NKAIN3: variants seen among roughly 807,000 people sequenced by gnomAD.
The protein encoded by NKAIN3 is sodium/potassium-transporting ATPase subunit beta-1-interacting protein 3.
Under a neutral mutation model 30.2 loss-of-function variants are expected in NKAIN3, and 25 were observed. The ratio of observed to expected loss-of-function variants is 0.83; its 90% CI spans 0.60 to 1.16. The LOEUF (loss-of-function observed/expected upper bound fraction) is 1.16, where lower values mean the gene tolerates loss of function less well. NKAIN3 is among the 50% of genes most tolerant of loss of function. NKAIN3 has a pLI of 0.00. For missense variants in NKAIN3, 225 were observed against 254.1 expected (o/e 0.89, Z 0.78); for synonymous variants, 91 against 89.6 (o/e 1.02, Z -0.09).
chr8:62,767,722 G>T (rs1299658205), intron 4 of NKAIN3, among the ~76,000 whole-genome samples: 1 of 151,766 alleles, frequency 6.6e-6, no homozygotes, highest in Non-Finnish European at 1.5e-5. Flanking sequence ...CACAACGCAG[G>T]AACATCATCT....
rs1246876018 is a variant in NKAIN3, at chr8:62,306,576, GT to G, written c.54+57451del. Among the ~76,000 whole-genome samples the G allele has an allele frequency of 5.7e-3, 740 of 129,198 alleles. 34 individuals carry two copies. The highest frequency in any genetic ancestry group is 0.021 in the African/African-American group (702 of 32,682). The allele number at this position is 129,198 out of a possible 152,430, so 84.8% of individuals were successfully genotyped here. The stretch of plus-strand genomic sequence containing the variant: ...TGTGTGTGTGTGTGTGTGTGTGTGT[GT>G]TGTGTGTGTGTTTAGTTTATGTGTG... On this transcript the variant is annotated intron_variant, in intron 1 of 6. Transcript: ENST00000623646.
intron 4 of NKAIN3, among the ~76,000 whole-genome samples, chr8:62,776,073 T>C (rs1817182516): frequency 6.6e-6 from 1 of 152,110 alleles, no homozygotes; most frequent in Non-Finnish European, 1.5e-5. Context: ...ATTTGCCTGA[T>C]ATAAATATGC....
At chr8:62,393,455 G>T (rs544208888) in intron 1 of NKAIN3, among the ~76,000 whole-genome samples, 1 of 151,804 alleles carries the variant, frequency 6.6e-6, no homozygotes, top group Non-Finnish European at 1.5e-5. Flanking sequence ...CCTTTTAGTT[G>T]ATCTTTATGT....
chr8:62,500,041 C>T (rs1295446075), intron 1 of NKAIN3, among the ~76,000 whole-genome samples: 1 of 152,112 alleles, frequency 6.6e-6, no homozygotes, highest in Non-Finnish European at 1.5e-5. Context: ...TGAACCTCTT[C>T]ACTGAAATGG....
chr8:62,861,988 A>G (rs1820255347), intron 4 of NKAIN3, among the ~76,000 whole-genome samples: 1 of 152,248 alleles, frequency 6.6e-6, no homozygotes, highest in African/African-American at 2.4e-5. Flanking sequence ...TCTTTTTATT[A>G]TGACCACATT....
chr8:62,472,694 C>T (rs1806390216), intron 1 of NKAIN3, among the ~76,000 whole-genome samples: 1 of 152,186 alleles, frequency 6.6e-6, no homozygotes, highest in African/African-American at 2.4e-5. Flanking sequence ...TAAGTCCATT[C>T]AGTGACTGAA....
At chr8:62,750,539 T>C (rs1224429535) in intron 4 of NKAIN3, among the ~76,000 whole-genome samples, 1 of 152,150 alleles carries the variant, frequency 6.6e-6, no homozygotes, top group Non-Finnish European at 1.5e-5. Context: ...CGCCTGTGCC[T>C]TGCTTGGCGC....
chr8:62,777,601 T>A (rs568475554), intron 4 of NKAIN3, among the ~76,000 whole-genome samples: 1 of 152,296 alleles, frequency 6.6e-6, no homozygotes, highest in South Asian at 2.1e-4. Context: ...ATTTTTTGTT[T>A]GTTATAATGA....
chr8:62,904,889 T>G (rs1821731878), intron 4 of NKAIN3, among the ~76,000 whole-genome samples: 2 of 152,208 alleles, frequency 1.3e-5, no homozygotes, highest in South Asian at 4.2e-4. Flanking sequence ...TCAAGGAGTA[T>G]GATGATGTGT....
chr8:62,623,079 G>T (rs540174111), intron 3 of NKAIN3, among the ~76,000 whole-genome samples: 1 of 152,004 alleles, frequency 6.6e-6, no homozygotes, highest in South Asian at 2.1e-4. Context: ...GAGAAAAGAG[G>T]CATGATTGAA....
At chr8:62,686,636 C>A (rs1323450200) in intron 3 of NKAIN3, among the ~76,000 whole-genome samples, 1 of 152,064 alleles carries the variant, frequency 6.6e-6, no homozygotes, top group Non-Finnish European at 1.5e-5. Context: ...GACAGTCTCT[C>A]AAAATAAGCA....
At chr8:62,361,528 CT>C (rs1261073661) in intron 1 of NKAIN3, among the ~76,000 whole-genome samples, 1 of 152,160 alleles carries the variant, frequency 6.6e-6, no homozygotes, top group Non-Finnish European at 1.5e-5. Flanking sequence ...GACCTGGTAT[CT>C]TTATAAACAT....
intron 1 of NKAIN3, among the ~76,000 whole-genome samples, chr8:62,407,390 A>G (rs959573714): frequency 8.5e-5 from 12 of 141,686 alleles, no homozygotes; most frequent in African/African-American, 3.1e-4. Flanking sequence ...ATCTGACAAG[A>G]CTAGATAGTT....
chr8:62,994,586 T>C (rs146236774), intron 5 of NKAIN3, among the ~76,000 whole-genome samples: 98 of 152,348 alleles, frequency 6.4e-4, no homozygotes, highest in African/African-American at 2.3e-3. Flanking sequence ...ATTCATTAAA[T>C]GTTATGGTCT....
At chr8:62,293,352 C>G (rs1468463296) in intron 1 of NKAIN3, among the ~76,000 whole-genome samples, 2 of 152,196 alleles carry the variant, frequency 1.3e-5, no homozygotes, top group Admixed American at 6.5e-5. Context: ...TATGGTTTCT[C>G]TCTGTCTTTG....
At chr8:62,288,440 G>C (rs540913865) in intron 1 of NKAIN3, among the ~76,000 whole-genome samples, 2 of 152,198 alleles carry the variant, frequency 1.3e-5, no homozygotes, top group Non-Finnish European at 2.9e-5. Flanking sequence ...CCCACCCTGT[G>C]TCCAAATGTT....
rs769075303 is a variant in NKAIN3 at position 62,976,547 on chromosome 8, C to A, written c.*11140C>A. ...CTTTCCATTTGCCTGGTAAATATCT[C>A]TCCATCCTTTTATTTTGAGCCTATG... On this transcript the variant is annotated 3_prime_UTR_variant, in exon 7 of 7. Transcript: ENST00000623646. 2.0e-5 allele frequency among the ~76,000 whole-genome samples: 3 copies of A among 152,152 alleles called. No homozygotes were observed. The highest frequency in any genetic ancestry group is 2.9e-5 in the Non-Finnish European group (2 of 68,028).
Position 62,657,721 on chromosome 8 carries a change from T to G in NKAIN3, c.273+67927T>G, listed in dbSNP as rs139394081. Reference sequence around the variant, plus strand: ...ATCGATGGTGCCAACTATTGGTGCATTCTGAAAAACATGCCATGGAGAAGG... The same window carrying G: ...ATCGATGGTGCCAACTATTGGTGCAGTCTGAAAAACATGCCATGGAGAAGG... On this transcript the variant is annotated intron_variant, in intron 3 of 6. Coordinates refer to ENST00000623646, the MANE Select transcript of NKAIN3 (RefSeq NM_001304533.3). Among the ~76,000 whole-genome samples the G allele has an allele frequency of 1.9e-3, 287 of 152,286 alleles. 1 individual carries two copies. Among genetic ancestry groups the G allele is most frequent in the African/African-American group, 6.8e-3 (281 of 41,574 alleles).
intron 3 of NKAIN3, among the ~76,000 whole-genome samples, chr8:62,689,101 G>A (rs1378773682): frequency 6.6e-6 from 1 of 152,092 alleles, no homozygotes; most frequent in East Asian, 1.9e-4. Flanking sequence ...AGGAAAATAA[G>A]TTTTAAGAGA....
Sources: gnomAD v4.1 joint callset for allele counts (sites outside exome capture counted in the v4.1 genomes callset) on GRCh38, gnomAD v4.1.1 for gene constraint, MANE v1.5 for transcripts, NCBI Gene and HGNC (gene_info 2026-07-23, HGNC 2026-07-21) for gene names.